RBFOX1: variants seen among roughly 807,000 people sequenced by gnomAD.
RBFOX1 encodes RNA binding fox-1 homolog 1, also known as RNA binding protein fox-1 homolog 1.
A neutral mutation model predicts 57.7 loss-of-function variants in RBFOX1; 8 were observed. The ratio of observed to expected loss-of-function variants is 0.14; its 90% CI spans 0.08 to 0.25. The LOEUF (loss-of-function observed/expected upper bound fraction) is 0.25, where lower values mean the gene tolerates loss of function less well. RBFOX1 is among the 10% of genes least tolerant of loss of function. The probability of loss-of-function intolerance (pLI) is 1.00; values close to 1 mark genes in which losing one functional copy is unlikely to be tolerated. For missense variants in RBFOX1, 611 were observed against 548.5 expected (o/e 1.11, Z -1.14); for synonymous variants, 326 against 222.4 (o/e 1.47, Z -4.15).
intron 3 of RBFOX1, among the ~76,000 whole-genome samples, chr16:6,659,489 A>G (rs973666263): frequency 6.6e-6 from 1 of 152,168 alleles, no homozygotes; most frequent in African/African-American, 2.4e-5. Flanking sequence ...GTACCGCCGA[A>G]TACTTAAAAC....
In RBFOX1 at chr16:7,347,643, A is replaced by G. The variant is rs537338180; in HGVS notation, c.28-170504A>G. 7.2e-5 allele frequency among the ~76,000 whole-genome samples: 11 copies of G among 152,288 alleles called. No individual in the cohort carries two copies. In the South Asian group the frequency reaches 2.1e-3, roughly 29 times the overall value. On this transcript the variant is annotated intron_variant, in intron 4 of 15. Coordinates refer to ENST00000550418, the MANE Select transcript of RBFOX1 (RefSeq NM_018723.4). ...GAAAAACCCCACTCTAGGCTGTCAC[A>G]CTACTGTGACTCAGCTACAGAGACT...
intron 3 of RBFOX1, among the ~76,000 whole-genome samples, chr16:5,816,134 G>A (rs1420123560): frequency 1.3e-5 from 2 of 152,034 alleles, no homozygotes; most frequent in Non-Finnish European, 2.9e-5. Flanking sequence ...TTGCAAACAG[G>A]GAGTCAGCAT....
chr16:5,566,835 A>G (rs1202644739), intron 2 of RBFOX1, among the ~76,000 whole-genome samples: 1 of 151,946 alleles, frequency 6.6e-6, no homozygotes, highest in Non-Finnish European at 1.5e-5. Flanking sequence ...GCATCGACTC[A>G]CTCCCTTGTT....
intron 3 of RBFOX1, among the ~76,000 whole-genome samples, chr16:5,778,424 GGGC>G (rs2054217056): frequency 6.6e-6 from 1 of 152,104 alleles, no homozygotes; most frequent in Non-Finnish European, 1.5e-5. Flanking sequence ...ACAATCTGAT[GGGC>G]TTCAGCTCCC....
At chr16:6,487,257 A>G (rs2153113455) in intron 2 of RBFOX1, among the ~76,000 whole-genome samples, 1 of 152,036 alleles carries the variant, frequency 6.6e-6, no homozygotes, top group South Asian at 2.1e-4. Context: ...TATGAATTCA[A>G]GCAATTAAAA....
intron 4 of RBFOX1, among the ~76,000 whole-genome samples, chr16:7,238,663 G>C (rs965969122): frequency 2.0e-5 from 3 of 152,114 alleles, no homozygotes; most frequent in Non-Finnish European, 4.4e-5. Context: ...TTTATCTTCA[G>C]GGGTACAAGT....
chr16:6,074,162 A>G (rs2095868828), intron 1 of RBFOX1, among the ~76,000 whole-genome samples: 4 of 152,056 alleles, frequency 2.6e-5, no homozygotes, highest in African/African-American at 9.7e-5. Context: ...GTTAGCCATC[A>G]TGGTCTTGAC....
chr16:5,301,461 C>T (rs868260115), intron 1 of RBFOX1, among the ~76,000 whole-genome samples: 2 of 151,736 alleles, frequency 1.3e-5, no homozygotes, highest in Non-Finnish European at 2.9e-5. Context: ...CTACTAAAAA[C>T]ACAAAAAATT....
chr16:6,216,677 G>A (rs553987592), intron 1 of RBFOX1, among the ~76,000 whole-genome samples: 2 of 151,798 alleles, frequency 1.3e-5, no homozygotes, highest in African/African-American at 2.4e-5. Context: ...TTATTTTTTC[G>A]CTTAGACAGA....
At chr16:5,336,476 G>C (rs968808841) in intron 1 of RBFOX1, among the ~76,000 whole-genome samples, 13 of 152,156 alleles carry the variant, frequency 8.5e-5, no homozygotes, top group African/African-American at 3.1e-4. Flanking sequence ...ATGCATGGGG[G>C]TGCTGATCCT....
chr16:7,197,033 A>G (rs2086873774), intron 4 of RBFOX1, among the ~76,000 whole-genome samples: 1 of 152,206 alleles, frequency 6.6e-6, no homozygotes, highest in African/African-American at 2.4e-5. Context: ...GGTGCACACC[A>G]TAGCCATCTT....
At chr16:7,099,978 G>T (rs982224188) in intron 4 of RBFOX1, among the ~76,000 whole-genome samples, 2 of 152,038 alleles carry the variant, frequency 1.3e-5, no homozygotes, top group Non-Finnish European at 2.9e-5. Flanking sequence ...TCACCCCTCA[G>T]TTCTCATCAT....
At chr16:5,416,989 C>A (rs932749449) in intron 1 of RBFOX1, among the ~76,000 whole-genome samples, 1 of 152,086 alleles carries the variant, frequency 6.6e-6, no homozygotes, top group Non-Finnish European at 1.5e-5. Flanking sequence ...AAAACCCAGC[C>A]CGCTGAAAAT....
intron 1 of RBFOX1, among the ~76,000 whole-genome samples, chr16:6,083,085 T>C (rs2096030810): frequency 1.3e-5 from 2 of 151,984 alleles, no homozygotes; most frequent in Admixed American, 1.3e-4. Context: ...CACTGCAACC[T>C]CCTCCTCCCA....
chr16:6,435,625 C>A (rs1323330543), intron 2 of RBFOX1, among the ~76,000 whole-genome samples: 3 of 152,132 alleles, frequency 2.0e-5, no homozygotes, highest in Non-Finnish European at 4.4e-5. Flanking sequence ...TATATAGCAT[C>A]TACCCCCAGC....
chr16:7,273,234 C>T, intron 4 of RBFOX1, among the ~76,000 whole-genome samples: 1 of 140,136 alleles, frequency 7.1e-6, no homozygotes, highest in East Asian at 2.2e-4. Flanking sequence ...TCCTTCCTTC[C>T]TTCCTTCCTT....
At chr16:7,131,886 G>C (rs969055669) in intron 4 of RBFOX1, among the ~76,000 whole-genome samples, 11 of 152,174 alleles carry the variant, frequency 7.2e-5, no homozygotes, top group South Asian at 6.2e-4. Context: ...TAGCTTCTAG[G>C]GGGTGAGAGG....
chr16:6,820,314 C>G (rs535586408), intron 3 of RBFOX1, among the ~76,000 whole-genome samples: 8 of 152,130 alleles, frequency 5.3e-5, no homozygotes, highest in African/African-American at 1.9e-4. Flanking sequence ...AATACGTCCT[C>G]TTAATCATCA....
intron 2 of RBFOX1, among the ~76,000 whole-genome samples, chr16:6,443,796 ACCTATCCATTT>A (rs1288149435): frequency 3.9e-5 from 6 of 151,990 alleles, no homozygotes; most frequent in Non-Finnish European, 7.4e-5. Flanking sequence ...CTGCCAGCCT[ACCTATCCATTT>A]ACCCATCTCT....
Sources: allele counts gnomAD v4.1 joint callset (sites outside exome capture counted in the v4.1 genomes callset), GRCh38; gene constraint gnomAD v4.1.1; transcripts MANE v1.5; gene names NCBI Gene and HGNC (gene_info 2026-07-23, HGNC 2026-07-21).